PXDNL: variants seen among roughly 807,000 people sequenced by gnomAD.
The protein encoded by PXDNL is probable oxidoreductase PXDNL.
Under a neutral mutation model 150.8 loss-of-function variants are expected in PXDNL, and 145 were observed. That is an observed-to-expected ratio of 0.96 (90% CI 0.84 to 1.10). The LOEUF is 1.10. Among genes scored for constraint, PXDNL ranks in the 50% least tolerant of loss-of-function variants. PXDNL has a pLI of 0.00. For missense variants in PXDNL, 2,087 were observed against 1,873.9 expected, an observed-to-expected ratio of 1.11 and a Z score of -2.10; for synonymous variants, 757 against 725.7, an observed-to-expected ratio of 1.04 and a Z score of -0.69.
chr8:51,400,407 T>C (rs1413441266), intron 17 of PXDNL, among the ~76,000 whole-genome samples: 1 of 152,200 alleles, frequency 6.6e-6, no homozygotes, highest in East Asian at 1.9e-4. Flanking sequence ...TTCAGGAATT[T>C]TGAATTTTTG....
At chr8:51,629,238 A>C (rs1226415996) in intron 2 of PXDNL, among the ~76,000 whole-genome samples, 1 of 152,212 alleles carries the variant, frequency 6.6e-6, no homozygotes, top group Non-Finnish European at 1.5e-5. Flanking sequence ...AAAAATATAA[A>C]AAGACATATT....
chr8:51,732,269 C>T (rs888412990), intron 1 of PXDNL, among the ~76,000 whole-genome samples: 2 of 152,318 alleles, frequency 1.3e-5, no homozygotes, highest in Admixed American at 1.3e-4. Flanking sequence ...TTCCACAAAT[C>T]TCTAGGACAA....
chr8:51,585,228 G>A (rs1231823499), intron 3 of PXDNL, among the ~76,000 whole-genome samples: 2 of 152,110 alleles, frequency 1.3e-5, no homozygotes, highest in Admixed American at 6.6e-5. Context: ...ACATATCAGG[G>A]AAATATTGAG....
chr8:51,449,128 A>G lies in PXDNL; in HGVS notation c.1250-10T>C. ...GTAAATTGTGGAGGAGCTAAAGAGA[A>G]TGAAACATACATCAAAATTGAAAAT... On this transcript the variant is annotated splice_polypyrimidine_tract_variant and intron_variant, in intron 10 of 22. Coordinates refer to ENST00000356297, the MANE Select transcript of PXDNL (RefSeq NM_144651.5). 1 of 1,415,400 alleles carries G rather than the reference A, an allele frequency of 7.1e-7. No homozygotes were observed. The highest frequency in any genetic ancestry group is 9.6e-7 in the Non-Finnish European group (1 of 1,037,864). 87.7% of individuals were successfully genotyped at this position (1,415,400 alleles called of 1,614,324 possible). A position where few individuals can be genotyped will look rare whatever the true frequency, so the allele number is the denominator to read the frequency against.
At chr8:51,366,395 T>C (rs975049014) in intron 19 of PXDNL, among the ~76,000 whole-genome samples, 1 of 152,192 alleles carries the variant, frequency 6.6e-6, no homozygotes, top group Non-Finnish European at 1.5e-5. Flanking sequence ...TCTTTTTCTG[T>C]CCATAAATCT....
chr8:51,632,821 G>C (rs1214685509), intron 2 of PXDNL, among the ~76,000 whole-genome samples: 1 of 151,976 alleles, frequency 6.6e-6, no homozygotes, highest in Non-Finnish European at 1.5e-5. Context: ...AAGTAAAACT[G>C]GAAAATTCAT....
At chr8:51,471,947 C>T (rs375048794) in intron 8 of PXDNL, among the ~76,000 whole-genome samples, 1 of 152,146 alleles carries the variant, frequency 6.6e-6, no homozygotes, top group Admixed American at 6.5e-5. Flanking sequence ...ACCTCGGCCT[C>T]CCAAAGTGCT....
chr8:51,461,598 A>G (rs1810084895), intron 8 of PXDNL, among the ~76,000 whole-genome samples: 1 of 152,198 alleles, frequency 6.6e-6, no homozygotes, highest in Non-Finnish European at 1.5e-5. Context: ...TTGACCTCCT[A>G]CACAAACACA....
intron 5 of PXDNL, among the ~76,000 whole-genome samples, chr8:51,493,432 A>G (rs1482163662): frequency 6.6e-6 from 1 of 152,246 alleles, no homozygotes; most frequent in Non-Finnish European, 1.5e-5. Context: ...AGCTGGAAGG[A>G]GAATGACTTT....
chr8:51,349,690 T>C (rs1284984800), intron 19 of PXDNL, among the ~76,000 whole-genome samples: 5 of 152,126 alleles, frequency 3.3e-5, no homozygotes, highest in South Asian at 2.1e-4. Context: ...TTGGAGTGGA[T>C]TGACAGTCCG....
intron 2 of PXDNL, among the ~76,000 whole-genome samples, chr8:51,637,538 G>A (rs1814632595): frequency 6.6e-6 from 1 of 152,134 alleles, no homozygotes; most frequent in African/African-American, 2.4e-5. Context: ...CATTGCACAA[G>A]AACTACATAA....
chr8:51,734,619 G>A (rs1272415998), intron 1 of PXDNL, among the ~76,000 whole-genome samples: 4 of 152,120 alleles, frequency 2.6e-5, no homozygotes, highest in African/African-American at 9.7e-5. Flanking sequence ...TTTCAAACAA[G>A]TATTTTTCTA....
chr8:51,773,995 A>G (rs551811466), intron 1 of PXDNL, among the ~76,000 whole-genome samples: 2 of 152,354 alleles, frequency 1.3e-5, no homozygotes, highest in African/African-American at 4.8e-5. Flanking sequence ...ATGAAAAGAT[A>G]GTTAATATGT....
chr8:51,430,302 C>A (rs1445425756), intron 12 of PXDNL, among the ~76,000 whole-genome samples: 2 of 152,186 alleles, frequency 1.3e-5, no homozygotes, highest in Admixed American at 1.3e-4. Context: ...ATTCCCTTTC[C>A]TTTTCAGCCA....
intron 1 of PXDNL, among the ~76,000 whole-genome samples, chr8:51,681,785 T>C (rs1815756492): frequency 6.6e-6 from 1 of 152,204 alleles, no homozygotes; most frequent in African/African-American, 2.4e-5. Context: ...TGCGATGCCA[T>C]ATTTGTAGCA....
At chr8:51,577,998 A>G (rs199911088) in intron 3 of PXDNL, among the ~76,000 whole-genome samples, 1 of 37,268 alleles carries the variant, frequency 2.7e-5, no homozygotes, top group Non-Finnish European at 5.5e-5. Context: ...AAAGAAAGAA[A>G]GAGGAAGGAA....
At chr8:51,399,989 T>A (rs1036112) in intron 17 of PXDNL, among the ~76,000 whole-genome samples, 16,890 of 152,238 alleles carry the variant, frequency 0.11, 1,121 homozygotes, top group East Asian at 0.3. Flanking sequence ...GTTGAATATT[T>A]ATAATTGTAA....
intron 17 of PXDNL, among the ~76,000 whole-genome samples, chr8:51,401,847 C>T (rs774570628): frequency 7.9e-5 from 12 of 152,176 alleles, no homozygotes; most frequent in Non-Finnish European, 1.6e-4. Flanking sequence ...CACTGTTTTA[C>T]AGCAATTAAA....
chr8:51,624,936 TA>T (rs1370720678), intron 2 of PXDNL, among the ~76,000 whole-genome samples: 1 of 152,064 alleles, frequency 6.6e-6, no homozygotes. Context: ...AACGTAATTC[TA>T]AATGTTAAAT....
Sources: gnomAD v4.1 joint callset for allele counts (sites outside exome capture counted in the v4.1 genomes callset) on GRCh38, gnomAD v4.1.1 for gene constraint, MANE v1.5 for transcripts, NCBI Gene and HGNC (gene_info 2026-07-23, HGNC 2026-07-21) for gene names.